The following TMC6 variants were observed in gnomAD, a reference collection of about 807,000 sequenced individuals.
The protein encoded by TMC6 is transmembrane channel-like protein 6.
In TMC6, 71 loss-of-function variants were observed where a neutral mutation model predicts 95.4. The observed-to-expected ratio is 0.74, with a 90% CI of 0.61 to 0.91. The LOEUF is 0.91. Among genes scored for constraint, TMC6 ranks in the 40% least tolerant of loss-of-function variants. The probability of loss-of-function intolerance (pLI) is 0.00; values close to 1 mark genes in which losing one functional copy is unlikely to be tolerated. For missense variants in TMC6, 1,074 were observed against 1,079.1 expected (o/e 1.00, Z 0.07); for synonymous variants, 514 against 483.1 (o/e 1.06, Z -0.84).
intron 1 of TMC6, among the ~76,000 whole-genome samples, chr17:78,127,641 C>T (rs1267418554): frequency 6.6e-6 from 1 of 152,232 alleles, no homozygotes. Flanking sequence ...GAGAGTGGAG[C>T]CAGGACTCAG....
chr17:78,121,800 G>A lies in TMC6; in HGVS notation c.1228-89C>T, dbSNP rs572190474. ...ACAGCACAACACACACAACACACAT[G>A]AGACACACCAGGAGGCTTGAACCAG... On this transcript the variant is annotated intron_variant, in intron 10 of 19. Coordinates refer to ENST00000590602, the MANE Select transcript of TMC6 (RefSeq NM_001127198.5). The surrounding 1 kb of genome is among the most constrained non-coding windows in gnomAD (Gnocchi z 5.6). 36 of 1,467,144 alleles carry A rather than the reference G, an allele frequency of 2.5e-5. No homozygotes were observed. The South Asian group carries it at 2.5e-4, about 10-fold the overall frequency. 90.9% of individuals were successfully genotyped at this position (1,467,144 alleles called of 1,614,324 possible).
chr17:78,124,850 C>T, intron 7 of TMC6, 39 bp downstream of exon 7: 1 of 1,580,874 alleles, frequency 6.3e-7, no homozygotes, highest in South Asian at 1.1e-5. Flanking sequence ...CCAGCCCTGC[C>T]CAGCCGCCCC....
chr17:78,115,683 C>T (rs577074087), intron 18 of TMC6, among the ~76,000 whole-genome samples: 17 of 90,230 alleles, frequency 1.9e-4, no homozygotes, highest in Admixed American at 1.5e-3. Context: ...GGCACAGGGG[C>T]GAAGGGAGTG....
chr17:78,120,882 G>A (rs2074379880), intron 12 of TMC6, 50 bp from the exon 13 acceptor site: 1 of 1,610,838 alleles, frequency 6.2e-7, no homozygotes, highest in Non-Finnish European at 8.5e-7. Context: ...GGGGACAGAA[G>A]ATGCACCCCA....
chr17:78,118,171 C>T (rs1471112911), intron 15 of TMC6: 1 of 638,282 alleles, frequency 1.6e-6, no homozygotes, highest in Non-Finnish European at 2.7e-6. Context: ...ATGCCAGGCT[C>T]TGCACACAAC....
At position 78,121,836 on chromosome 17, in the gene TMC6, C is replaced by T. The variant is rs2074430887; in HGVS notation, c.1228-125G>A. 2.3e-6 allele frequency: 3 copies of T among 1,279,034 alleles called. No individual in the cohort carries two copies. The allele number at this position is 1,279,034 out of a possible 1,614,324, so 79.2% of individuals were successfully genotyped here. On this transcript the variant is annotated intron_variant, in intron 10 of 19. Transcript: ENST00000590602. This position sits in a 1 kb window ranked among gnomAD's most constrained non-coding sequence, Gnocchi z 5.6. ...GGAGGCTTGAACCAGGACAGAGGGC[C>T]AGTTCCCCATGCCCCACCTGCCCTT...
upstream of TMC6, chr17:78,131,673 C>A (rs2074973444): frequency 1.9e-6 from 3 of 1,571,348 alleles, no homozygotes; most frequent in East Asian, 4.7e-5. Context: ...GATGGAGCGG[C>A]TGCGCGGCTC....
At chr17:78,124,378 G>A in intron 8 of TMC6, 146 bp downstream of exon 8, 2 of 1,397,468 alleles carry the variant, frequency 1.4e-6, no homozygotes, top group Non-Finnish European at 2.0e-6. Context: ...GTCATTGAGG[G>A]GGAGGCGGGG....
intron 16 of TMC6, 71 bp downstream of exon 16, chr17:78,117,731 T>C: frequency 6.4e-7 from 1 of 1,568,242 alleles, no homozygotes; most frequent in South Asian, 1.2e-5. Context: ...CCCTAAGCCT[T>C]GGGCCCCCCA....
chr17:78,117,902 G>A lies in TMC6; in HGVS notation c.1921C>T (p.Arg641Trp), dbSNP rs139050383. Residue 641 changes from arginine (R) to tryptophan (W), a missense_variant, in exon 16 of 20, where the codon CGG (arginine) becomes TGG (tryptophan). Transcript: ENST00000590602. ...SLLANCQAPR[R>W]PWLASHMSTV... Reference sequence around the variant, plus strand: ...CTCATGTGTGAGGCCAGCCAGGGCCGGCGCGGCGCCTGGCAGTTGGCCAGA... The same window carrying A: ...CTCATGTGTGAGGCCAGCCAGGGCCAGCGCGGCGCCTGGCAGTTGGCCAGA... 1.4e-5 allele frequency: 23 copies of A among 1,604,890 alleles called. No individual in the cohort carries two copies. The highest frequency in any genetic ancestry group is 5.3e-5 in the African/African-American group (4 of 74,900).
chr17:78,131,978 G>C (rs2074998965), upstream of TMC6: 1 of 1,522,456 alleles, frequency 6.6e-7, no homozygotes, highest in Non-Finnish European at 8.8e-7. Context: ...AGGCAGCGCA[G>C]CGGCTGGCCC....
Position 78,128,637 on chromosome 17 carries a change from C to A in TMC6, c.-100G>T, listed in dbSNP as rs2074865870. ...CTGGGAGGCGCCGGGGAGGAGGGGC[C>A]GCGCGCGCAGCCAGGGCTCACCTGT... On this transcript the variant is annotated 5_prime_UTR_variant, in exon 1 of 20. Coordinates refer to ENST00000590602, the MANE Select transcript of TMC6 (RefSeq NM_001127198.5). The surrounding 1 kb of genome is among the most constrained non-coding windows in gnomAD (Gnocchi z 4.0). 5 of 152,228 alleles carry A rather than the reference C, an allele frequency of 3.3e-5. No homozygotes were observed. The highest frequency in any genetic ancestry group is 2.6e-4 in the Admixed American group (4 of 15,270). The allele number at this position is 152,228 out of a possible 1,614,324, so 9.4% of individuals were successfully genotyped here.
At chr17:78,113,438 T>C in intron 19 of TMC6, 110 bp downstream of exon 19, 2 of 1,383,534 alleles carry the variant, frequency 1.4e-6, no homozygotes, top group East Asian at 2.3e-5. Flanking sequence ...TCAAAAGCGG[T>C]CAAGTGTCAG....
chr17:78,125,318 C>G lies in TMC6; in HGVS notation c.431-55G>C, dbSNP rs566826745. The G allele has an allele frequency of 3.0e-5, 44 of 1,484,736 alleles. No homozygotes were observed. In the African/African-American group the frequency reaches 5.4e-4, roughly 18 times the overall value. The allele number at this position is 1,484,736 out of a possible 1,614,324, so 92.0% of individuals were successfully genotyped here. On this transcript the variant is annotated intron_variant, in intron 5 of 19. Coordinates refer to ENST00000590602, the MANE Select transcript of TMC6 (RefSeq NM_001127198.5). ...TCCCCAAGTGCCCCTCCCTGCAGCC[C>G]GAAGCCGGGACCCTGGTCAGGCCTG...
chr17:78,132,341 C>T, upstream of TMC6: 2 of 1,612,408 alleles, frequency 1.2e-6, no homozygotes, highest in South Asian at 1.1e-5. Context: ...CCTGACCCAC[C>T]CTGCTCTCCC....
At position 78,124,199 on chromosome 17, in the gene TMC6, C is replaced by T; in HGVS notation, c.892-20G>A. 6.2e-7 allele frequency: 1 copy of T among 1,610,570 alleles called. No homozygotes were observed. Among genetic ancestry groups the T allele is most frequent in the Non-Finnish European group, 8.5e-7 (1 of 1,179,524 alleles). ...GCAACCCTGCCACAGGGAGATCCAG[C>T]CGAGTCAGGGACTTTCCCCACGCCC... On this transcript the variant is annotated intron_variant, in intron 8 of 19. Coordinates refer to ENST00000590602, the MANE Select transcript of TMC6 (RefSeq NM_001127198.5).
chr17:78,117,368 G>A (rs1225390676), intron 17 of TMC6, 21 bp from the exon 18 acceptor site: 1 of 1,612,922 alleles, frequency 6.2e-7, no homozygotes, highest in African/African-American at 1.3e-5. Flanking sequence ...GGGGCTGTCG[G>A]GCAGGGCCCA....
intron 1 of TMC6, 49 bp from the exon 2 acceptor site, chr17:78,126,955 G>T: frequency 1.8e-6 from 2 of 1,137,384 alleles, no homozygotes; most frequent in Non-Finnish European, 2.6e-6. Flanking sequence ...ACGCCTGGCA[G>T]CTGTCCACAC....
At position 78,118,951 on chromosome 17, in the gene TMC6, C is replaced by T. The variant is rs763740888; in HGVS notation, c.1887+20G>A. ...GGCCACCCTGCCAGCCCAGCCCTCCCCAGGCCTTGGCAGCCTCACCTTCTT... is the reference window on the plus strand; with the variant it reads ...GGCCACCCTGCCAGCCCAGCCCTCCTCAGGCCTTGGCAGCCTCACCTTCTT... On this transcript the variant is annotated intron_variant, in intron 15 of 19. Coordinates refer to ENST00000590602, the MANE Select transcript of TMC6 (RefSeq NM_001127198.5). 6.3e-7 allele frequency: 1 copy of T among 1,582,178 alleles called. No homozygotes were observed. Among genetic ancestry groups the T allele is most frequent in the East Asian group, 2.3e-5 (1 of 43,128 alleles).
Sources: allele counts gnomAD v4.1 joint callset (sites outside exome capture counted in the v4.1 genomes callset), GRCh38; gene constraint gnomAD v4.1.1; non-coding constraint Gnocchi (gnomAD v3.1); transcripts MANE v1.5; gene names NCBI Gene and HGNC (gene_info 2026-07-23, HGNC 2026-07-21).